DLGAP2: variants seen among roughly 807,000 people sequenced by gnomAD.
DLGAP2 encodes DLG associated protein 2.
DLGAP2 carries 26 observed loss-of-function variants against 100.3 expected under a neutral mutation model. The ratio of observed to expected loss-of-function variants is 0.26; its 90% confidence interval spans 0.19 to 0.36. The LOEUF is 0.36. Ranked by LOEUF, DLGAP2 falls within the 10% of genes least tolerant of loss-of-function variation. The pLI, the probability that DLGAP2 is intolerant of heterozygous loss-of-function variation, is 1.00. For synonymous variants in DLGAP2, 886 were observed against 630.1 expected, an observed-to-expected ratio of 1.41 and a Z score of -6.08; for missense variants, 1,858 against 1,453.2, an observed-to-expected ratio of 1.28 and a Z score of -4.53.
chr8:1,520,096 G>C (rs1800535767), intron 4 of DLGAP2, among the ~76,000 whole-genome samples: 1 of 152,192 alleles, frequency 6.6e-6, no homozygotes, highest in South Asian at 2.1e-4. Context: ...TGGGCACGCT[G>C]TCCCCATCTC....
chr8:1,286,090 G>C (rs938227705), intron 3 of DLGAP2, among the ~76,000 whole-genome samples: 5 of 152,182 alleles, frequency 3.3e-5, no homozygotes. Flanking sequence ...GTGTGTCAAG[G>C]GCAGGACCAG....
intron 3 of DLGAP2, among the ~76,000 whole-genome samples, chr8:1,474,912 C>G (rs1798891075): frequency 1.3e-5 from 2 of 152,204 alleles, no homozygotes; most frequent in South Asian, 4.1e-4. Flanking sequence ...AATCATTCTT[C>G]CAAAGGGCAC....
chr8:887,929 T>G (rs918756436), intron 1 of DLGAP2, among the ~76,000 whole-genome samples: 1 of 152,240 alleles, frequency 6.6e-6, no homozygotes, highest in Non-Finnish European at 1.5e-5. Flanking sequence ...CCTGTCTTGC[T>G]AGGTTGCAGA....
intron 4 of DLGAP2, among the ~76,000 whole-genome samples, chr8:1,502,731 C>T (rs183327791): frequency 1.3e-5 from 2 of 152,296 alleles, no homozygotes; most frequent in South Asian, 2.1e-4. Flanking sequence ...GCACGGGACT[C>T]ATTTGACGTT....
At chr8:1,519,282 A>C (rs1396569530) in intron 4 of DLGAP2, among the ~76,000 whole-genome samples, 1 of 149,706 alleles carries the variant, frequency 6.7e-6, no homozygotes, top group Non-Finnish European at 1.5e-5. Context: ...GAAAACCAAA[A>C]AGCATAGAAC....
At chr8:1,637,782 A>G (rs1797803089) in intron 8 of DLGAP2, among the ~76,000 whole-genome samples, 1 of 152,212 alleles carries the variant, frequency 6.6e-6, no homozygotes, top group Admixed American at 6.5e-5. Flanking sequence ...AAAGTCTGGA[A>G]ACAGTTGCAG....
chr8:1,342,131 A>T (rs1283140196), intron 3 of DLGAP2, among the ~76,000 whole-genome samples: 3 of 151,752 alleles, frequency 2.0e-5, no homozygotes, highest in Admixed American at 6.6e-5. Flanking sequence ...TTCTGTACAG[A>T]TGGGGTTTTA....
intron 2 of DLGAP2, among the ~76,000 whole-genome samples, chr8:968,016 A>G (rs1799923210): frequency 6.6e-6 from 1 of 150,846 alleles, no homozygotes; most frequent in African/African-American, 2.4e-5. Context: ...GCACTCACAC[A>G]CGTGCTCATT....
chr8:1,477,766 T>G (rs1044555525), intron 3 of DLGAP2, among the ~76,000 whole-genome samples: 5 of 151,186 alleles, frequency 3.3e-5, no homozygotes, highest in African/African-American at 1.2e-4. Flanking sequence ...AGAAACCAGA[T>G]TATGTGGCCT....
At chr8:1,562,609 G>A (rs1455173315) in intron 5 of DLGAP2, among the ~76,000 whole-genome samples, 25 of 34,262 alleles carry the variant, frequency 7.3e-4, no homozygotes, top group South Asian at 4.5e-3. Context: ...GCGCCTCGTT[G>A]CTCGGGGACT....
intron 1 of DLGAP2, among the ~76,000 whole-genome samples, chr8:853,750 A>G (rs1048512504): frequency 3.3e-5 from 5 of 152,194 alleles, no homozygotes; most frequent in African/African-American, 7.2e-5. Flanking sequence ...ATAAGAATTC[A>G]GTATTCATGC....
At chr8:1,122,965 G>A (rs953235820) in intron 2 of DLGAP2, among the ~76,000 whole-genome samples, 8 of 152,274 alleles carry the variant, frequency 5.3e-5, no homozygotes, top group East Asian at 1.9e-4. Context: ...GCTTAGGTCC[G>A]CCAGATAGAG....
At chr8:1,600,745 A>G (rs1245538649) in intron 6 of DLGAP2, among the ~76,000 whole-genome samples, 1 of 152,136 alleles carries the variant, frequency 6.6e-6, no homozygotes. Context: ...GTTCTTCTCT[A>G]AACTGGTTAT....
intron 10 of DLGAP2, among the ~76,000 whole-genome samples, chr8:1,671,502 G>A (rs186419032): frequency 1.3e-5 from 2 of 152,352 alleles, no homozygotes; most frequent in African/African-American, 2.4e-5. Flanking sequence ...CTGGCTCATG[G>A]AGAGACAGCT....
intron 3 of DLGAP2, among the ~76,000 whole-genome samples, chr8:1,350,939 G>A (rs1442869668): frequency 8.2e-5 from 11 of 134,950 alleles, no homozygotes; most frequent in East Asian, 2.3e-4. Context: ...AAGGCCGTGC[G>A]GGTCCTGAGT....
chr8:1,308,691 A>G (rs1273962049), intron 3 of DLGAP2, among the ~76,000 whole-genome samples: 1 of 152,070 alleles, frequency 6.6e-6, no homozygotes, highest in Non-Finnish European at 1.5e-5. Flanking sequence ...ATGACAGGCT[A>G]ATTTTGCATT....
intron 2 of DLGAP2, among the ~76,000 whole-genome samples, chr8:1,099,473 G>C (rs1804507978): frequency 6.6e-6 from 1 of 152,230 alleles, no homozygotes; most frequent in Admixed American, 6.5e-5. Context: ...AGTAAACTCG[G>C]TGCCGACCTC....
intron 1 of DLGAP2, among the ~76,000 whole-genome samples, chr8:759,429 G>C (rs909249448): frequency 4.6e-5 from 7 of 152,066 alleles, no homozygotes; most frequent in African/African-American, 1.7e-4. Context: ...CCAGGGTTGG[G>C]ACACGTTCCC....
At chr8:1,203,065 C>CGA (rs1797913973) in intron 2 of DLGAP2, among the ~76,000 whole-genome samples, 1 of 152,168 alleles carries the variant, frequency 6.6e-6, no homozygotes, top group Non-Finnish European at 1.5e-5. Context: ...AGCTGCTCTC[C>CGA]GGCTCTCCCA....
Sources: gnomAD v4.1 joint callset for allele counts (sites outside exome capture counted in the v4.1 genomes callset) on GRCh38, gnomAD v4.1.1 for gene constraint, MANE v1.5 for transcripts, NCBI Gene and HGNC (gene_info 2026-07-23, HGNC 2026-07-21) for gene names.